Variants in MGMT observed in about 807,000 individuals in gnomAD.
The protein encoded by MGMT is O-6-methylguanine-DNA methyltransferase, also known as methylated-DNA--protein-cysteine methyltransferase.
MGMT carries 14 observed loss-of-function variants against 15.9 expected under a neutral mutation model. The observed-to-expected ratio is 0.88, with a 90% CI of 0.58 to 1.37. The LOEUF is 1.37. MGMT is among the 40% of genes most tolerant of loss of function. The pLI is 0.00. For missense variants in MGMT, 282 were observed against 268.1 expected (o/e 1.05, Z -0.36); for synonymous variants, 130 against 118.2 (o/e 1.10, Z -0.65).
At chr10:129,658,675 T>G (rs1847559693) in intron 2 of MGMT, among the ~76,000 whole-genome samples, 1 of 152,202 alleles carries the variant, frequency 6.6e-6, no homozygotes, top group Non-Finnish European at 1.5e-5. Flanking sequence ...TGGAAGAAAT[T>G]ATCTTCGCAA....
chr10:129,553,445 G>A (rs533400209), intron 2 of MGMT, among the ~76,000 whole-genome samples: 6 of 152,316 alleles, frequency 3.9e-5, no homozygotes, highest in Non-Finnish European at 7.4e-5. Flanking sequence ...AGCACCTTGC[G>A]AGCAGTGGTT....
chr10:129,742,609 C>T (rs927235783), intron 3 of MGMT, among the ~76,000 whole-genome samples: 2 of 148,244 alleles, frequency 1.3e-5, no homozygotes, highest in Admixed American at 6.7e-5. Context: ...CCCACTACCA[C>T]AGCAGCCCAT....
chr10:129,753,116 G>C (rs1461934013), intron 3 of MGMT, among the ~76,000 whole-genome samples: 1 of 152,114 alleles, frequency 6.6e-6, no homozygotes, highest in Non-Finnish European at 1.5e-5. Flanking sequence ...TGAGTTGTCA[G>C]GTTTTTTTCT....
intron 1 of MGMT, among the ~76,000 whole-genome samples, chr10:129,485,269 A>G (rs1280800179): frequency 6.6e-6 from 1 of 152,054 alleles, no homozygotes; most frequent in Non-Finnish European, 1.5e-5. Context: ...CTCCATCCTG[A>G]TGATTCTAGG....
intron 1 of MGMT, among the ~76,000 whole-genome samples, chr10:129,473,964 G>T (rs1631420): frequency 2.6e-5 from 4 of 152,034 alleles, no homozygotes; most frequent in African/African-American, 7.2e-5. Context: ...TGTCCCTGCA[G>T]GCCAGGGACC....
chr10:129,629,231 C>A (rs1403586003), intron 2 of MGMT, among the ~76,000 whole-genome samples: 1 of 152,226 alleles, frequency 6.6e-6, no homozygotes, highest in Non-Finnish European at 1.5e-5. Context: ...CTTGATGCTT[C>A]TATATGAAAC....
At chr10:129,579,089 GATT>G (rs1846521906) in intron 2 of MGMT, among the ~76,000 whole-genome samples, 1 of 152,152 alleles carries the variant, frequency 6.6e-6, no homozygotes, top group African/African-American at 2.4e-5. Context: ...TGACCTAACA[GATT>G]AGGATGATTT....
chr10:129,741,931 T>TGA (rs1848637942), intron 3 of MGMT, among the ~76,000 whole-genome samples: 1 of 152,224 alleles, frequency 6.6e-6, no homozygotes, highest in South Asian at 2.1e-4. Context: ...GCCGTGGCTC[T>TGA]GAGCCTAGTG....
chr10:129,706,628 A>C (rs867415934), intron 2 of MGMT, among the ~76,000 whole-genome samples: 15 of 152,178 alleles, frequency 9.9e-5, no homozygotes, highest in Admixed American at 2.0e-4. Context: ...CTCGAGAGGC[A>C]GGGAAGGAAG....
intron 2 of MGMT, among the ~76,000 whole-genome samples, chr10:129,559,578 G>T (rs1002405949): frequency 3.3e-5 from 5 of 151,838 alleles, no homozygotes; most frequent in East Asian, 1.9e-4. Flanking sequence ...ATGTACTCCC[G>T]CTGTAAGGTG....
At chr10:129,574,075 G>A (rs1034017318) in intron 2 of MGMT, among the ~76,000 whole-genome samples, 1 of 152,188 alleles carries the variant, frequency 6.6e-6, no homozygotes, top group African/African-American at 2.4e-5. Context: ...AGGGATTGAT[G>A]GAGCTTGTAA....
At chr10:129,737,288 C>T (rs529981328) in intron 3 of MGMT, among the ~76,000 whole-genome samples, 1 of 151,958 alleles carries the variant, frequency 6.6e-6, no homozygotes, top group East Asian at 1.9e-4. Context: ...AAACTTCTCG[C>T]TTCATTTCAT....
At chr10:129,666,408 T>C (rs1483817379) in intron 2 of MGMT, among the ~76,000 whole-genome samples, 1 of 152,202 alleles carries the variant, frequency 6.6e-6, no homozygotes, top group African/African-American at 2.4e-5. Flanking sequence ...TCTAGGAATA[T>C]GCTGTTTTTT....
At chr10:129,529,379 A>T (rs1845905622) in intron 1 of MGMT, among the ~76,000 whole-genome samples, 1 of 152,122 alleles carries the variant, frequency 6.6e-6, no homozygotes, top group Admixed American at 6.5e-5. Flanking sequence ...TCAGATCACC[A>T]GGCACTAGAT....
rs181302556 is a variant in MGMT at position 129,681,046 on chromosome 10, G to A, written c.126-26849G>A. Among the ~76,000 whole-genome samples, 16 of 152,260 alleles carry A rather than the reference G, an allele frequency of 1.1e-4. No homozygotes were observed. The East Asian group carries it at 3.1e-3, about 30-fold the overall frequency. ...CACCACCAGTGCTGCCTGTGCTGTG[G>A]CCCTGCTTTGTGTCCTGTGGCCTAA... On this transcript the variant is annotated intron_variant, in intron 2 of 4. Coordinates refer to ENST00000651593, the MANE Select transcript of MGMT (RefSeq NM_002412.5).
chr10:129,601,209 C>T (rs1171869084), intron 2 of MGMT, among the ~76,000 whole-genome samples: 2 of 151,990 alleles, frequency 1.3e-5, no homozygotes, highest in East Asian at 3.9e-4. Flanking sequence ...TGGCTTCAGT[C>T]TTCCCAGTGG....
At chr10:129,670,095 A>T (rs750939571) in intron 2 of MGMT, among the ~76,000 whole-genome samples, 3 of 148,582 alleles carry the variant, frequency 2.0e-5, no homozygotes, top group Non-Finnish European at 4.6e-5. Flanking sequence ...ATTTCATAGA[A>T]ATGATTGTCA....
chr10:129,570,026 G>A (rs1221700374), intron 2 of MGMT, among the ~76,000 whole-genome samples: 1 of 152,210 alleles, frequency 6.6e-6, no homozygotes, highest in African/African-American at 2.4e-5. Context: ...TACATCTTTT[G>A]TCTGTGCGAA....
chr10:129,520,568 TCTATGGTGCGGTGCAGAGCCC>T (rs1308375320), intron 1 of MGMT, among the ~76,000 whole-genome samples: 6 of 78,110 alleles, frequency 7.7e-5, no homozygotes, highest in African/African-American at 3.2e-4. Context: ...GTGCAGAGCC[TCTATGGTGCGGTGCAGAGCCC>T]CTATGGTATG....
Sources: allele counts gnomAD v4.1 joint callset (sites outside exome capture counted in the v4.1 genomes callset), GRCh38; gene constraint gnomAD v4.1.1; transcripts MANE v1.5; gene names NCBI Gene and HGNC (gene_info 2026-07-23, HGNC 2026-07-21).